The following MAGI2 variants were observed in gnomAD, a reference collection of about 807,000 sequenced individuals.
MAGI2 encodes membrane-associated guanylate kinase, WW and PDZ domain-containing protein 2.
In MAGI2, 35 loss-of-function variants were observed where a neutral mutation model predicts 133.3. The observed-to-expected ratio is 0.26, with a 90% confidence interval of 0.20 to 0.35. The LOEUF is 0.35. Among genes scored for constraint, MAGI2 ranks in the 10% least tolerant of loss-of-function variants. MAGI2 has a pLI of 1.00. For missense variants in MAGI2, 1,636 were observed against 1,863.4 expected (o/e 0.88, Z 2.25); for synonymous variants, 729 against 710.6 (o/e 1.03, Z -0.41).
chr7:78,207,054 C>T (rs1466159445), intron 10 of MAGI2, among the ~76,000 whole-genome samples: 1 of 150,210 alleles, frequency 6.7e-6, no homozygotes, highest in Non-Finnish European at 1.5e-5. Context: ...TTTTTTCAAG[C>T]AATAAAAGAA....
rs74302394 is a variant in MAGI2 at position 78,333,118 on chromosome 7, T to C, written c.1408+10660A>G. ...TTAAAACCTTTTTTTAAAAATTGAATTCCTATAACCACTTCCTTTATTTTT... is the reference window on the plus strand; with the variant it reads ...TTAAAACCTTTTTTTAAAAATTGAACTCCTATAACCACTTCCTTTATTTTT... On this transcript the variant is annotated intron_variant, in intron 9 of 21. Transcript: ENST00000354212. Among the ~76,000 whole-genome samples, 1,250 of 152,346 alleles carry C rather than the reference T, an allele frequency of 8.2e-3. 45 individuals are homozygous for C. Among genetic ancestry groups the C allele is most frequent in the South Asian group, 0.08 (385 of 4,830 alleles).
intron 9 of MAGI2, among the ~76,000 whole-genome samples, chr7:78,266,169 G>A (rs934662734): frequency 1.1e-4 from 16 of 152,120 alleles, no homozygotes; most frequent in African/African-American, 3.6e-4. Flanking sequence ...ACCTGACCTA[G>A]GCACGTACAC....
chr7:79,116,151 CGTCAGT>C (rs1562906507), intron 1 of MAGI2, among the ~76,000 whole-genome samples: 1 of 152,018 alleles, frequency 6.6e-6, no homozygotes, highest in Non-Finnish European at 1.5e-5. Context: ...TCATCTTTTC[CGTCAGT>C]GTTTTAGTAA....
chr7:78,201,209 C>A lies in MAGI2; in HGVS notation c.2048-16G>T. 1.4e-6 allele frequency: 2 copies of A among 1,416,072 alleles called. No homozygotes were observed. The highest frequency in any genetic ancestry group is 1.9e-6 in the Non-Finnish European group (2 of 1,062,312). 87.7% of individuals were successfully genotyped at this position (1,416,072 alleles called of 1,614,324 possible). On this transcript the variant is annotated splice_polypyrimidine_tract_variant and intron_variant, in intron 10 of 21. Transcript: ENST00000354212. The stretch of plus-strand genomic sequence containing the variant: ...GAAAAGAAACCTGTAATAAAGAAAA[C>A]AATATTTGAACTTTGAAAATATTAC...
chr7:78,114,502 G>T (rs182598883), intron 20 of MAGI2, among the ~76,000 whole-genome samples: 1 of 152,320 alleles, frequency 6.6e-6, no homozygotes, highest in Non-Finnish European at 1.5e-5. Context: ...AATCCCAGTG[G>T]CAGGATATGA....
intron 1 of MAGI2, among the ~76,000 whole-genome samples, chr7:79,019,518 T>A (rs114896747): frequency 0.017 from 2,652 of 152,192 alleles, 87 homozygotes; most frequent in African/African-American, 0.061. Context: ...TGACCCAATC[T>A]TGGGTATTTC....
chr7:78,870,888 G>A (rs1794976455), intron 2 of MAGI2, among the ~76,000 whole-genome samples: 1 of 152,104 alleles, frequency 6.6e-6, no homozygotes, highest in Admixed American at 6.6e-5. Context: ...CAAAATAATG[G>A]CATTCTCTGC....
At chr7:78,136,411 T>G (rs1822142162) in intron 16 of MAGI2, among the ~76,000 whole-genome samples, 2 of 152,184 alleles carry the variant, frequency 1.3e-5, no homozygotes, top group Non-Finnish European at 2.9e-5. Context: ...TGAGCCACCA[T>G]GCTCGGCCTA....
chr7:79,131,692 T>TAAGAAAAAACTACTTA (rs752428414), intron 1 of MAGI2, among the ~76,000 whole-genome samples: 36 of 152,300 alleles, frequency 2.4e-4, no homozygotes, highest in Admixed American at 5.2e-4. Flanking sequence ...CAACCAGGAC[T>TAAGAAAAAACTACTTA]AAGAAAAAAC....
In MAGI2 at chr7:78,022,919, C is replaced by T. The variant is rs551348748; in HGVS notation, c.3707-2943G>A. Among the ~76,000 whole-genome samples, 4 of 152,254 alleles carry T rather than the reference C, an allele frequency of 2.6e-5. No homozygotes were observed. In the East Asian group the frequency reaches 7.7e-4, roughly 29 times the overall value. ...ATTAAACACTTAACAGCGGGAGAAA[C>T]TAAAAACTAAAATGTTCCAAGTCAC... On this transcript the variant is annotated intron_variant, in intron 21 of 21. Transcript: ENST00000354212.
At chr7:78,657,453 G>A (rs6466328) in intron 2 of MAGI2, among the ~76,000 whole-genome samples, 67,790 of 151,998 alleles carry the variant, frequency 0.45, 15,254 homozygotes, top group African/African-American at 0.46. Context: ...TGGATAAACT[G>A]TGGCACATCC....
intron 9 of MAGI2, among the ~76,000 whole-genome samples, chr7:78,310,589 A>G (rs1798618956): frequency 6.6e-6 from 1 of 152,182 alleles, no homozygotes; most frequent in African/African-American, 2.4e-5. Context: ...TGTTTATAAG[A>G]CCTTGTTTGG....
chr7:78,523,868 G>A (rs1258142591), intron 3 of MAGI2, among the ~76,000 whole-genome samples: 1 of 152,072 alleles, frequency 6.6e-6, no homozygotes, highest in East Asian at 1.9e-4. Context: ...AAGGGGAAAG[G>A]CCGAAAAACC....
At chr7:78,663,372 A>C (rs1021105138) in intron 2 of MAGI2, among the ~76,000 whole-genome samples, 4 of 151,878 alleles carry the variant, frequency 2.6e-5, no homozygotes, top group African/African-American at 9.7e-5. Flanking sequence ...ACACACAGCT[A>C]ATTTTTGTAT....
At chr7:79,102,641 G>A (rs1818082660) in intron 1 of MAGI2, among the ~76,000 whole-genome samples, 1 of 152,022 alleles carries the variant, frequency 6.6e-6, no homozygotes, top group Non-Finnish European at 1.5e-5. Flanking sequence ...CCCACCCAAA[G>A]GCACTATATT....
rs529950904 is a variant in MAGI2 at position 78,212,878 on chromosome 7, T to A, written c.2048-11685A>T. 2.0e-5 allele frequency among the ~76,000 whole-genome samples: 3 copies of A among 152,192 alleles called. No homozygotes were observed. The East Asian group carries it at 5.8e-4, about 29-fold the overall frequency. ...TGTATTTTTAGATGGGGTTTCACCA[T>A]GTTGCCCACACTGGTCTCAAATTCC... On this transcript the variant is annotated intron_variant, in intron 10 of 21. Transcript: ENST00000354212.
chr7:78,444,825 T>C (rs1364098846), intron 6 of MAGI2, among the ~76,000 whole-genome samples: 1 of 149,136 alleles, frequency 6.7e-6, no homozygotes, highest in Non-Finnish European at 1.5e-5. Context: ...TATGTACTTA[T>C]ATATTTATAT....
chr7:78,516,358 T>C (rs1379772033), intron 4 of MAGI2, among the ~76,000 whole-genome samples: 1 of 152,044 alleles, frequency 6.6e-6, no homozygotes, highest in African/African-American at 2.4e-5. Context: ...TTTGTTGTTG[T>C]TGTTGTTTGT....
rs185360804 is a variant in MAGI2, at chr7:78,786,633, C to A, written c.419-159394G>T. Among the ~76,000 whole-genome samples the A allele has an allele frequency of 2.5e-4, 38 of 152,308 alleles. No homozygotes were observed. In the East Asian group the frequency reaches 6.4e-3, roughly 26 times the overall value. Reference sequence around the variant, plus strand: ...TTGACGGCCCTCTGCCTAGAACGGTCTTCTCTTAGGTATCTCTATGGCTAC... The same window carrying A: ...TTGACGGCCCTCTGCCTAGAACGGTATTCTCTTAGGTATCTCTATGGCTAC... On this transcript the variant is annotated intron_variant, in intron 2 of 21. Coordinates refer to ENST00000354212, the MANE Select transcript of MAGI2 (RefSeq NM_012301.4).
Sources: gnomAD v4.1 joint callset for allele counts (sites outside exome capture counted in the v4.1 genomes callset) on GRCh38, gnomAD v4.1.1 for gene constraint, MANE v1.5 for transcripts, NCBI Gene and HGNC (gene_info 2026-07-23, HGNC 2026-07-21) for gene names.